Variants in GTF3C1 observed in about 807,000 individuals in gnomAD.
GTF3C1 encodes general transcription factor IIIC subunit 1, also known as general transcription factor 3C polypeptide 1.
Under a neutral mutation model 226.7 loss-of-function variants are expected in GTF3C1, and 57 were observed. That is an observed-to-expected ratio of 0.25 (90% CI 0.20 to 0.31). GTF3C1 has a LOEUF of 0.31. Among genes scored for constraint, GTF3C1 ranks in the 10% least tolerant of loss-of-function variants. The pLI is 1.00. For synonymous variants in GTF3C1, 1,090 were observed against 1,084.8 expected (o/e 1.00, Z -0.09); for missense variants, 2,217 against 2,776.1 (o/e 0.80, Z 4.53).
rs1340205702 is a variant in GTF3C1, at chr16:27,470,571, G to A, written c.4527-176C>T. 3.3e-6 allele frequency: 2 copies of A among 606,468 alleles called. No individual in the cohort carries two copies. Among genetic ancestry groups the A allele is most frequent in the East Asian group, 2.8e-5 (1 of 36,136 alleles). 37.6% of individuals were successfully genotyped at this position (606,468 alleles called of 1,614,324 possible). A position where few individuals can be genotyped will look rare whatever the true frequency, so the allele number is the denominator to read the frequency against. ...AGGTGCTGCATTCCCACCTAGCGGT[G>A]TTTGTGTCTCTCTTCCCCGCTTGCC... On this transcript the variant is annotated intron_variant, in intron 30 of 36. Transcript: ENST00000356183. The surrounding 1 kb of genome is among the most constrained non-coding windows in gnomAD (Gnocchi z 4.9).
intron 19 of GTF3C1, 82 bp from the exon 20 acceptor site, chr16:27,489,825 G>T (rs760578416): frequency 3.9e-5 from 56 of 1,418,394 alleles, no homozygotes; most frequent in Admixed American, 5.9e-5. Flanking sequence ...GGGTGGGGAA[G>T]AAGAGTGGAT....
Position 27,549,899 on chromosome 16 carries a change from C to T in GTF3C1, c.-9G>A. ...GACTCCAGCGCGTCCATTGCTACTT[C>T]AGTCGGCGGCGCCCGGGGCGCATGC... On this transcript the variant is annotated 5_prime_UTR_variant, in exon 1 of 37. Coordinates refer to ENST00000356183, the MANE Select transcript of GTF3C1 (RefSeq NM_001520.4). 6.2e-7 allele frequency: 1 copy of T among 1,605,014 alleles called. No individual in the cohort carries two copies. The highest frequency in any genetic ancestry group is 1.1e-5 in the South Asian group (1 of 90,852).
chr16:27,520,089 G>GGTGAGACAGA (rs1431742288), intron 6 of GTF3C1, among the ~76,000 whole-genome samples: 1 of 152,162 alleles, frequency 6.6e-6, no homozygotes, highest in Non-Finnish European at 1.5e-5. Flanking sequence ...CTCTGGCCTG[G>GGTGAGACAGA]GTGAGACAGA....
Position 27,501,278 on chromosome 16 carries a change from G to A in GTF3C1, c.1974C>T (p.Ser658=). The part of the protein sequence containing the change: ...EGVSTKCCKK[S]IVRLVRNLSE... ...ACAGGTTCCGCACCAAGCGGACAAT[G>A]GACTTCTTGCAGCACTTGGTGGACA... The change falls in exon 12 of 37, where the codon TCC becomes TCT. Residue 658 remains serine (S), a synonymous_variant. Coordinates refer to ENST00000356183, the MANE Select transcript of GTF3C1 (RefSeq NM_001520.4). 1 of 1,613,998 alleles carries A rather than the reference G, an allele frequency of 6.2e-7. No homozygotes were observed. Among genetic ancestry groups the A allele is most frequent in the Non-Finnish European group, 8.5e-7 (1 of 1,179,882 alleles).
chr16:27,512,031 C>A lies in GTF3C1; in HGVS notation c.974-130G>T, dbSNP rs1031915049. On this transcript the variant is annotated intron_variant, in intron 6 of 36. Transcript: ENST00000356183. ...TCCCCACAAAGGTCACACATATCAC[C>A]GTGTCTGGACTTTTAAAAATGGCTC... The A allele has an allele frequency of 6.4e-6, 6 of 937,730 alleles. No homozygotes were observed. In the African/African-American group the frequency reaches 8.3e-5, roughly 13 times the overall value. 58.1% of individuals were successfully genotyped at this position (937,730 alleles called of 1,614,324 possible).
At chr16:27,499,310 C>G (rs2088369685) in intron 12 of GTF3C1, among the ~76,000 whole-genome samples, 1 of 152,200 alleles carries the variant, frequency 6.6e-6, no homozygotes, top group African/African-American at 2.4e-5. Flanking sequence ...ATGAGAGATA[C>G]ACAGGATGAA....
At chr16:27,511,390 G>A (rs575206731) in intron 7 of GTF3C1, among the ~76,000 whole-genome samples, 3 of 152,328 alleles carry the variant, frequency 2.0e-5, no homozygotes, top group South Asian at 2.1e-4. Flanking sequence ...GCTCGCAGAC[G>A]AGCTAGTGCG....
Position 27,462,674 on chromosome 16 carries a change from C to T in GTF3C1, c.5925-188G>A, listed in dbSNP as rs528688393. On this transcript the variant is annotated intron_variant, in intron 35 of 36. Coordinates refer to ENST00000356183, the MANE Select transcript of GTF3C1 (RefSeq NM_001520.4). The surrounding 1 kb of genome is among the most constrained non-coding windows in gnomAD (Gnocchi z 4.5). The stretch of plus-strand genomic sequence containing the variant: ...TCTGGACAGAGGGGCCCTTGACCGC[C>T]AGCTGGGTGGAACCAGGACGTGGTG... 3.5e-6 allele frequency: 2 copies of T among 576,292 alleles called. No individual in the cohort carries two copies. The highest frequency in any genetic ancestry group is 3.7e-5 in the African/African-American group (2 of 53,714). The allele number at this position is 576,292 out of a possible 1,614,324, so 35.7% of individuals were successfully genotyped here. A position where few individuals can be genotyped will look rare whatever the true frequency, so the allele number is the denominator to read the frequency against.
rs200376969 is a variant in GTF3C1 at position 27,461,385 on chromosome 16, G to A, written c.6295C>T (p.His2099Tyr). ...CTLRLGRVFPHEVNWNKWIHL is the reference protein window; with the variant it reads ...CTLRLGRVFPYEVNWNKWIHL The stretch of plus-strand genomic sequence containing the variant: ...ATCCACTTGTTCCAGTTGACCTCGT[G>A]GGGGAACACACGGCCCAGCCGGAGG... Residue 2099 changes from histidine to tyrosine, a missense_variant, in exon 37 of 37, where the codon CAC (histidine) becomes TAC (tyrosine). His to Tyr is a moderately conservative substitution (Grantham distance 83). Coordinates refer to ENST00000356183, the MANE Select transcript of GTF3C1 (RefSeq NM_001520.4). The surrounding 1 kb of genome is among the most constrained non-coding windows in gnomAD (Gnocchi z 5.3). 2 of 1,613,190 alleles carry A rather than the reference G, an allele frequency of 1.2e-6. No homozygotes were observed. Among genetic ancestry groups the A allele is most frequent in the Middle Eastern group, 1.7e-4 (1 of 6,024 alleles).
chr16:27,465,563 C>A lies in GTF3C1; in HGVS notation c.5075-23G>T. On this transcript the variant is annotated intron_variant, in intron 32 of 36. Transcript: ENST00000356183. ...CGGCTGTGGGGACACAGAGGAAGAT[C>A]AGAGGCAGCCCGACAGAGGCCCCCC... is the stretch of plus-strand genomic sequence containing the variant. The A allele has an allele frequency of 1.9e-6, 3 of 1,579,216 alleles. No individual in the cohort carries two copies. The South Asian group carries it at 3.4e-5, about 18-fold the overall frequency.
Position 27,545,495 on chromosome 16 carries a change from T to C in GTF3C1, c.250A>G (p.Ile84Val). The C allele has an allele frequency of 6.2e-7, 1 of 1,609,122 alleles. No homozygotes were observed. Among genetic ancestry groups the C allele is most frequent in the South Asian group, 1.1e-5 (1 of 90,956 alleles). Residue 84 changes from isoleucine (I) to valine (V), a missense_variant, in exon 2 of 37, where the codon ATT becomes GTT. This residue lies in a region of GTF3C1 where 192 missense variants were observed against 251.8 expected (regional missense o/e 0.76). Transcript: ENST00000356183. ...RYEEIDLETG[I>V]LESRRDPVAL... ...ACCGGGTCCCTCCTAGACTCCAAAA[T>C]TCCAGTTTCCAAATCAATTTCTTCA...
chr16:27,471,173 T>C lies in GTF3C1; in HGVS notation c.4526+575A>G, dbSNP rs1027733418. ...ACCTGAGTGCGGGGAAGGAGAATGG[T>C]GTGAAGGGGAAGCCGTCAAGACGGC... On this transcript the variant is annotated intron_variant, in intron 30 of 36. Coordinates refer to ENST00000356183, the MANE Select transcript of GTF3C1 (RefSeq NM_001520.4). The surrounding 1 kb of genome is among the most constrained non-coding windows in gnomAD (Gnocchi z 5.0). 6.6e-6 allele frequency among the ~76,000 whole-genome samples: 1 copy of C among 152,050 alleles called. No individual in the cohort carries two copies. Among genetic ancestry groups the C allele is most frequent in the Admixed American group, 6.6e-5 (1 of 15,264 alleles).
chr16:27,485,281 C>T (rs2088121589), intron 24 of GTF3C1, among the ~76,000 whole-genome samples: 1 of 152,234 alleles, frequency 6.6e-6, no homozygotes, highest in African/African-American at 2.4e-5. Flanking sequence ...TCCAAAGCTG[C>T]CTTGTGGCAC....
intron 2 of GTF3C1, among the ~76,000 whole-genome samples, chr16:27,544,432 G>C (rs532184773): frequency 6.6e-6 from 1 of 151,802 alleles, no homozygotes; most frequent in African/African-American, 2.4e-5. Context: ...TAACTGAGAG[G>C]TGGAAAAGAG....
At chr16:27,498,878 G>A in intron 12 of GTF3C1, 145 bp from the exon 13 acceptor site, 2 of 633,300 alleles carry the variant, frequency 3.2e-6, no homozygotes, top group South Asian at 3.6e-5. Flanking sequence ...AACAAAATTT[G>A]TTGCTCAACA....
At position 27,463,509 on chromosome 16, in the gene GTF3C1, C is replaced by T; in HGVS notation, c.5924+32G>A. The T allele has an allele frequency of 7.3e-7, 1 of 1,361,092 alleles. No individual in the cohort carries two copies. Among genetic ancestry groups the T allele is most frequent in the African/African-American group, 1.4e-5 (1 of 70,184 alleles). The allele number at this position is 1,361,092 out of a possible 1,614,324, so 84.3% of individuals were successfully genotyped here. A position where few individuals can be genotyped will look rare whatever the true frequency, so the allele number is the denominator to read the frequency against. On this transcript the variant is annotated intron_variant, in intron 35 of 36. Coordinates refer to ENST00000356183, the MANE Select transcript of GTF3C1 (RefSeq NM_001520.4). The surrounding 1 kb of genome is among the most constrained non-coding windows in gnomAD (Gnocchi z 4.9). ...ACTCGGTCCCTGTCAAGAGCCCCGC[C>T]CCAGGCCCCGGAGCCAGAACCCCAC...
intron 11 of GTF3C1, 146 bp downstream of exon 11, chr16:27,502,713 C>T (rs1007230212): frequency 5.0e-5 from 40 of 804,396 alleles, no homozygotes; most frequent in Non-Finnish European, 7.5e-5. Flanking sequence ...TAAATCCTCC[C>T]TACCGCAAAG....
At chr16:27,476,405 G>A (rs367826780) in intron 29 of GTF3C1, 46 bp downstream of exon 29, 57 of 1,248,728 alleles carry the variant, frequency 4.6e-5, no homozygotes, top group Middle Eastern at 1.9e-4. Flanking sequence ...GCCTGGCCTC[G>A]GAAGGGCCCA....
chr16:27,468,948 C>T (rs116224902), intron 32 of GTF3C1, among the ~76,000 whole-genome samples: 1,828 of 152,228 alleles, frequency 0.012, 50 homozygotes, highest in African/African-American at 0.041. Context: ...GACTAGAGCC[C>T]GGGCAGTGAC....
Sources: gnomAD v4.1 joint callset for allele counts (sites outside exome capture counted in the v4.1 genomes callset) on GRCh38, gnomAD v4.1.1 for gene constraint, gnomAD v4.1.1 regional missense constraint, Gnocchi (gnomAD v3.1) non-coding constraint, MANE v1.5 for transcripts, NCBI Gene and HGNC (gene_info 2026-07-23, HGNC 2026-07-21) for gene names.